EFCAB6: variants seen among roughly 807,000 people sequenced by gnomAD.
EFCAB6 encodes EF-hand calcium binding domain 6.
EFCAB6 carries 156 observed loss-of-function variants against 169.8 expected under a neutral mutation model. The observed-to-expected ratio is 0.92, with a 90% CI of 0.81 to 1.05. The LOEUF is 1.05. Among genes scored for constraint, EFCAB6 ranks in the 50% least tolerant of loss-of-function variants. The pLI is 0.00. For synonymous variants in EFCAB6, 698 were observed against 676.4 expected (o/e 1.03, Z -0.50); for missense variants, 1,800 against 1,829.1 (o/e 0.98, Z 0.29).
Position 43,537,175 on chromosome 22 carries a change from G to A in EFCAB6, c.4048+202C>T. 1.8e-6 allele frequency: 1 copy of A among 567,620 alleles called. No individual in the cohort carries two copies. Among genetic ancestry groups the A allele is most frequent in the Non-Finnish European group, 3.0e-6 (1 of 332,234 alleles). The allele number at this position is 567,620 out of a possible 1,614,324, so 35.2% of individuals were successfully genotyped here. On this transcript the variant is annotated intron_variant, in intron 29 of 31. Coordinates refer to ENST00000262726, the MANE Select transcript of EFCAB6 (RefSeq NM_022785.4). This position sits in a 1 kb window ranked among gnomAD's most constrained non-coding sequence, Gnocchi z 4.3. The stretch of plus-strand genomic sequence containing the variant: ...ACTTTACCATGCAGATGGGCCCCCT[G>A]CTGGGAGGGCCGGGTAGTCGGAATC...
At chr22:43,789,805 G>GT (rs1190343836) in intron 2 of EFCAB6, among the ~76,000 whole-genome samples, 1 of 149,728 alleles carries the variant, frequency 6.7e-6, no homozygotes, top group African/African-American at 2.5e-5. Context: ...CTACAAGGAA[G>GT]TTTACAGCAT....
intron 12 of EFCAB6, among the ~76,000 whole-genome samples, chr22:43,680,535 G>A (rs137790): frequency 0.12 from 18,246 of 150,978 alleles, 1,134 homozygotes; most frequent in Admixed American, 0.13. Context: ...AATCTATAAA[G>A]CAATTTGGAG....
At chr22:43,561,949 A>C (rs1419214178) in intron 26 of EFCAB6, among the ~76,000 whole-genome samples, 1 of 152,188 alleles carries the variant, frequency 6.6e-6, no homozygotes, top group Non-Finnish European at 1.5e-5. Flanking sequence ...GGCTGCAGGA[A>C]AGGCGGGGGC....
intron 17 of EFCAB6, among the ~76,000 whole-genome samples, chr22:43,655,355 G>T (rs1184138791): frequency 6.6e-6 from 1 of 152,102 alleles, no homozygotes; most frequent in African/African-American, 2.4e-5. Flanking sequence ...TAAAAATCTA[G>T]CATTGTTAGG....
In EFCAB6 at chr22:43,672,236, T is replaced by G. The variant is rs1339852809; in HGVS notation, c.1479+10A>C. Reference sequence around the variant, plus strand: ...AAGGCATCCACACAAAGAAGGCAAGTGTTACTTACTGAATCCCAGGCCAGG... The same window carrying G: ...AAGGCATCCACACAAAGAAGGCAAGGGTTACTTACTGAATCCCAGGCCAGG... On this transcript the variant is annotated intron_variant, in intron 14 of 31. Coordinates refer to ENST00000262726, the MANE Select transcript of EFCAB6 (RefSeq NM_022785.4). The G allele has an allele frequency of 6.2e-7, 1 of 1,614,148 alleles. No individual in the cohort carries two copies. Among genetic ancestry groups the G allele is most frequent in the Admixed American group, 1.7e-5 (1 of 60,024 alleles).
chr22:43,683,677 G>C, intron 12 of EFCAB6, 70 bp downstream of exon 12: 1 of 1,111,648 alleles, frequency 9.0e-7, no homozygotes, highest in Non-Finnish European at 1.4e-6. Context: ...GTTGTTATTG[G>C]TCTTGTTCTG....
At chr22:43,639,393 G>A (rs575568676) in intron 17 of EFCAB6, among the ~76,000 whole-genome samples, 1 of 152,268 alleles carries the variant, frequency 6.6e-6, no homozygotes, top group East Asian at 1.9e-4. Flanking sequence ...GACTTTGGCT[G>A]GGTATAAAAT....
intron 17 of EFCAB6, among the ~76,000 whole-genome samples, chr22:43,660,149 T>C (rs527871416): frequency 3.9e-5 from 6 of 152,330 alleles, no homozygotes; most frequent in Non-Finnish European, 8.8e-5. Flanking sequence ...GCTGGGATGA[T>C]CAAGCTGTCC....
intron 2 of EFCAB6, among the ~76,000 whole-genome samples, chr22:43,798,838 A>T (rs2062603327): frequency 6.6e-6 from 1 of 152,096 alleles, no homozygotes; most frequent in Non-Finnish European, 1.5e-5. Flanking sequence ...TTACTTGGAG[A>T]ACACCTCTTA....
At chr22:43,725,434 C>A (rs558642730) in intron 8 of EFCAB6, among the ~76,000 whole-genome samples, 7 of 152,176 alleles carry the variant, frequency 4.6e-5, no homozygotes, top group Non-Finnish European at 8.8e-5. Context: ...ACCCACTGCA[C>A]CCGGCCCAAA....
At chr22:43,651,688 G>T (rs915955963) in intron 17 of EFCAB6, among the ~76,000 whole-genome samples, 3 of 152,254 alleles carry the variant, frequency 2.0e-5, no homozygotes, top group African/African-American at 7.2e-5. Flanking sequence ...AAGCAGCCGG[G>T]AGGGAGGCTG....
rs144664927 is a variant in EFCAB6 at position 43,571,402 on chromosome 22, C to A, written c.3420+4895G>T. ...TGGTAATCTCCTTTTAATTACTTAC[C>A]TCCTGTGCATCCCCCAGAGGGAAAG... On this transcript the variant is annotated intron_variant, in intron 26 of 31. Transcript: ENST00000262726. Among the ~76,000 whole-genome samples, 91 of 152,284 alleles carry A rather than the reference C, an allele frequency of 6.0e-4. 1 individual carries two copies. Among genetic ancestry groups the A allele is most frequent in the African/African-American group, 2.1e-3 (89 of 41,550 alleles).
At chr22:43,765,247 T>C (rs1798277370) in intron 5 of EFCAB6, 58 bp downstream of exon 5, 3 of 1,351,298 alleles carry the variant, frequency 2.2e-6, no homozygotes, top group Non-Finnish European at 3.2e-6. Context: ...CTTCACGTCA[T>C]AGCTCTTACT....
intron 22 of EFCAB6, 82 bp downstream of exon 22, chr22:43,608,400 A>G (rs2053067308): frequency 8.3e-7 from 1 of 1,203,342 alleles, no homozygotes; most frequent in Admixed American, 1.9e-5. Context: ...ACCCTGATGT[A>G]GGAAAGATTA....
At chr22:43,605,888 T>C (rs1052276632) in intron 22 of EFCAB6, among the ~76,000 whole-genome samples, 1 of 152,194 alleles carries the variant, frequency 6.6e-6, no homozygotes, top group African/African-American at 2.4e-5. Flanking sequence ...TTGCATGCAA[T>C]ACTTTCCAGG....
At position 43,735,886 on chromosome 22, in the gene EFCAB6, A is replaced by T; in HGVS notation, c.615T>A (p.Cys205Ter). The T allele has an allele frequency of 1.2e-6, 2 of 1,613,998 alleles. No individual in the cohort carries two copies. Among genetic ancestry groups the T allele is most frequent in the Non-Finnish European group, 1.7e-6 (2 of 1,179,994 alleles). The part of the protein sequence containing the change: ...QELRRVLETF[C>*]MKLRDEEYEK... Reference sequence around the variant, plus strand: ...CGTATTCCTCGTCTCTTAACTTCATACAGAAGGTCTCCAGAACCCTTCTTA... The same window carrying T: ...CGTATTCCTCGTCTCTTAACTTCATTCAGAAGGTCTCCAGAACCCTTCTTA... Residue 205 changes from cysteine (C) to a stop codon, truncating the protein, a stop_gained, in exon 7 of 32, where the codon TGT becomes TGA. Transcript: ENST00000262726. LOFTEE classifies it high-confidence loss of function.
At chr22:43,810,871 T>G (rs2063089180) in intron 1 of EFCAB6, among the ~76,000 whole-genome samples, 1 of 152,142 alleles carries the variant, frequency 6.6e-6, no homozygotes, top group Non-Finnish European at 1.5e-5. Context: ...TCACATATAA[T>G]CAAAGGGGCC....
chr22:43,627,738 C>T (rs929854326), intron 19 of EFCAB6, among the ~76,000 whole-genome samples: 3 of 152,126 alleles, frequency 2.0e-5, no homozygotes, highest in South Asian at 2.1e-4. Context: ...GGCGGCATTG[C>T]GCTTGTCCCC....
rs1054191769 is a variant in EFCAB6 at position 43,528,843 on chromosome 22, G to A, written c.*10C>T. 1.3e-6 allele frequency: 2 copies of A among 1,599,100 alleles called. No homozygotes were observed. Among genetic ancestry groups the A allele is most frequent in the African/African-American group, 1.3e-5 (1 of 74,854 alleles). On this transcript the variant is annotated 3_prime_UTR_variant, in exon 32 of 32. Transcript: ENST00000262726. ...TGGCTGTCGTCCCGCTGGGCACACA[G>A]CAGGGGTGTCTACTGGAGGAATGCC... is the stretch of plus-strand genomic sequence containing the variant.
Sources: allele counts gnomAD v4.1 joint callset (sites outside exome capture counted in the v4.1 genomes callset), GRCh38; gene constraint gnomAD v4.1.1; non-coding constraint Gnocchi (gnomAD v3.1); transcripts MANE v1.5; gene names NCBI Gene and HGNC (gene_info 2026-07-23, HGNC 2026-07-21).